The following RASSF5 variants were observed in gnomAD, a reference collection of about 807,000 sequenced individuals.
RASSF5 encodes the protein Ras association domain family member 5, also known as ras association domain-containing protein 5.
A neutral mutation model predicts 40.5 loss-of-function variants in RASSF5; 25 were observed. That is an observed-to-expected ratio of 0.62 (90% CI 0.45 to 0.86). The LOEUF (loss-of-function observed/expected upper bound fraction) is 0.86. Among genes scored for constraint, RASSF5 ranks in the 40% least tolerant of loss-of-function variants. RASSF5 has a pLI of 0.00. For synonymous variants in RASSF5, 246 were observed against 252.4 expected (o/e 0.97, Z 0.24); for missense variants, 521 against 572.8 (o/e 0.91, Z 0.92).
At chr1:206,561,474 G>T (rs542280482) in intron 2 of RASSF5, among the ~76,000 whole-genome samples, 2 of 152,172 alleles carry the variant, frequency 1.3e-5, no homozygotes, top group East Asian at 3.9e-4. Flanking sequence ...CTTGATTTTA[G>T]CAGGTAGTCC....
intron 2 of RASSF5, among the ~76,000 whole-genome samples, chr1:206,577,588 CT>C (rs1252554407): frequency 1.3e-5 from 2 of 152,222 alleles, no homozygotes; most frequent in Non-Finnish European, 2.9e-5. Flanking sequence ...CCAACACACA[CT>C]TGTGTTCATC....
At chr1:206,585,010 G>A (rs1669052663) in intron 4 of RASSF5, 170 bp from the exon 5 acceptor site, 4 of 637,402 alleles carry the variant, frequency 6.3e-6, no homozygotes, top group Non-Finnish European at 2.8e-6. Flanking sequence ...AGACACCCAA[G>A]ATAAAAGGTT....
intron 2 of RASSF5, among the ~76,000 whole-genome samples, chr1:206,580,503 G>A (rs2103565130): frequency 6.6e-6 from 1 of 152,316 alleles, no homozygotes; most frequent in African/African-American, 2.4e-5. Context: ...TATAGGGGTA[G>A]GGCCAGGGTC....
chr1:206,550,264 A>G (rs1218605609), intron 2 of RASSF5, among the ~76,000 whole-genome samples: 3 of 152,184 alleles, frequency 2.0e-5, no homozygotes, highest in African/African-American at 7.2e-5. Flanking sequence ...TCAGGAGGAT[A>G]TATCTGAATC....
At chr1:206,519,348 A>T (rs1666844688) in intron 1 of RASSF5, among the ~76,000 whole-genome samples, 1 of 152,218 alleles carries the variant, frequency 6.6e-6, no homozygotes, top group Non-Finnish European at 1.5e-5. Flanking sequence ...CCGCTGTCTC[A>T]TGCTGTCCAC....
At position 206,535,088 on chromosome 1, in the gene RASSF5, C is replaced by A. The variant is rs1294627205; in HGVS notation, c.458-3084C>A. On this transcript the variant is annotated intron_variant, in intron 1 of 5. Transcript: ENST00000579436. This position sits in a 1 kb window ranked among gnomAD's most constrained non-coding sequence, Gnocchi z 5.0. Reference sequence around the variant, plus strand: ...TTAATTAGCCAGGTGCAGTGGTGGGCGCCTGCAGTACCAGCTACTCAGGAG... The same window carrying A: ...TTAATTAGCCAGGTGCAGTGGTGGGAGCCTGCAGTACCAGCTACTCAGGAG... 1.3e-5 allele frequency among the ~76,000 whole-genome samples: 2 copies of A among 152,112 alleles called. No individual in the cohort carries two copies. The highest frequency in any genetic ancestry group is 4.8e-5 in the African/African-American group (2 of 41,402).
intron 1 of RASSF5, among the ~76,000 whole-genome samples, chr1:206,521,251 G>T (rs1303553436): frequency 2.0e-5 from 3 of 152,178 alleles, no homozygotes; most frequent in Non-Finnish European, 4.4e-5. Context: ...CAGCTGTAAA[G>T]AAACCTTTGT....
intron 1 of RASSF5, among the ~76,000 whole-genome samples, chr1:206,523,445 A>G (rs1262965840): frequency 8.6e-6 from 1 of 116,838 alleles, no homozygotes; most frequent in Non-Finnish European, 1.7e-5. Context: ...TTTTATATAT[A>G]ATATATAATA....
intron 1 of RASSF5, among the ~76,000 whole-genome samples, chr1:206,530,203 T>G (rs562414950): frequency 2.6e-5 from 4 of 152,342 alleles, no homozygotes; most frequent in African/African-American, 7.2e-5. Context: ...AAAGCAAACA[T>G]GTGACCTGCC....
intron 2 of RASSF5, among the ~76,000 whole-genome samples, chr1:206,561,663 C>CTTTTTTT (rs61094454): frequency 3.4e-4 from 40 of 117,968 alleles, no homozygotes; most frequent in African/African-American, 7.4e-4. Context: ...TTTTCTTTTT[C>CTTTTTTT]TTTTTTTTTT....
chr1:206,581,847 G>C (rs538196815), intron 2 of RASSF5, among the ~76,000 whole-genome samples: 1 of 152,204 alleles, frequency 6.6e-6, no homozygotes, highest in Admixed American at 6.5e-5. Flanking sequence ...ATGGCTTGCT[G>C]AAGGGAGGAA....
At chr1:206,529,444 C>G (rs140614358) in intron 1 of RASSF5, 30,024 of 962,840 alleles carry the variant, frequency 0.031, 573 homozygotes, top group Non-Finnish European at 0.034. Flanking sequence ...ATGGGGGTCC[C>G]TTACTGCATT....
rs1248485636 is a variant in RASSF5 at position 206,531,731 on chromosome 1, A to G, written c.458-6441A>G. Among the ~76,000 whole-genome samples, 2 of 152,198 alleles carry G rather than the reference A, an allele frequency of 1.3e-5. No individual in the cohort carries two copies. Among genetic ancestry groups the G allele is most frequent in the Admixed American group, 1.3e-4 (2 of 15,284 alleles). On this transcript the variant is annotated intron_variant, in intron 1 of 5. Transcript: ENST00000579436. This position sits in a 1 kb window ranked among gnomAD's most constrained non-coding sequence, Gnocchi z 4.7. ...CTGACTTATTCAAGAGGATCAGGAC[A>G]AGCTTTACACCTGCCCTTTTAAAAC...
intron 2 of RASSF5, among the ~76,000 whole-genome samples, chr1:206,566,431 C>T (rs11119061): frequency 0.041 from 6,302 of 152,296 alleles, 433 homozygotes; most frequent in African/African-American, 0.14. Context: ...TCTCATCAGC[C>T]TCCAATTCGT....
intron 2 of RASSF5, among the ~76,000 whole-genome samples, chr1:206,576,286 AC>A (rs1280035702): frequency 1.3e-5 from 2 of 152,208 alleles, no homozygotes; most frequent in Non-Finnish European, 2.9e-5. Flanking sequence ...GGTAATTTGT[AC>A]TTTTGCTGCA....
At chr1:206,532,820 A>G (rs769724967) in intron 1 of RASSF5, among the ~76,000 whole-genome samples, 4 of 152,130 alleles carry the variant, frequency 2.6e-5, no homozygotes, top group South Asian at 2.1e-4. Context: ...GGAGAGTTCT[A>G]TGTTGTCTCT....
chr1:206,585,011 AT>A, intron 4 of RASSF5, 168 bp from the exon 5 acceptor site: 1 of 638,502 alleles, frequency 1.6e-6, no homozygotes, highest in South Asian at 1.9e-5. Context: ...GACACCCAAG[AT>A]AAAAGGTTAT....
chr1:206,522,591 C>G (rs1266682517), intron 1 of RASSF5, among the ~76,000 whole-genome samples: 2 of 152,184 alleles, frequency 1.3e-5, no homozygotes, highest in African/African-American at 4.8e-5. Flanking sequence ...TAGATTGCCT[C>G]TTACCATTCT....
chr1:206,550,859 T>C (rs1356222311), intron 2 of RASSF5, among the ~76,000 whole-genome samples: 1 of 152,138 alleles, frequency 6.6e-6, no homozygotes, highest in Non-Finnish European at 1.5e-5. Flanking sequence ...AAAATGGGGA[T>C]TTTGTGTTGT....
Sources: allele counts gnomAD v4.1 joint callset (sites outside exome capture counted in the v4.1 genomes callset), GRCh38; gene constraint gnomAD v4.1.1; non-coding constraint Gnocchi (gnomAD v3.1); transcripts MANE v1.5; gene names NCBI Gene and HGNC (gene_info 2026-07-23, HGNC 2026-07-21).